The following AZI2 variants were observed in gnomAD, a reference collection of about 807,000 sequenced individuals.
AZI2 encodes the protein 5-azacytidine induced 2.
In AZI2, 22 loss-of-function variants were observed where a neutral mutation model predicts 45.8. The observed-to-expected ratio is 0.48, with a 90% confidence interval of 0.34 to 0.69. The LOEUF (loss-of-function observed/expected upper bound fraction) is 0.69. Among genes scored for constraint, AZI2 ranks in the 30% least tolerant of loss-of-function variants. The probability of loss-of-function intolerance (pLI) is 0.01; values close to 1 mark genes in which losing one functional copy is unlikely to be tolerated. For missense variants in AZI2, 417 were observed against 441.5 expected, an observed-to-expected ratio of 0.94 and a Z score of 0.50; for synonymous variants, 137 against 156.7, an observed-to-expected ratio of 0.87 and a Z score of 0.94.
rs749596216 is a variant in AZI2 at position 28,336,749 on chromosome 3, T to A, written c.576A>T (p.Lys192Asn). The change falls in exon 5 of 8, where the codon AAA becomes AAT. Residue 192 changes from lysine to asparagine, a missense_variant. Physicochemically the swap from Lys to Asn is moderately conservative, Grantham distance 94. Transcript: ENST00000479665. ...AATTCTGTAATACCGTTTGTTTGGC[T>A]TTCTGTAGTTCTATTTTGAGATCGC... Reference protein sequence around the residue: ...ECSDLKIELQKAKQTDPYQED... With the variant: ...ECSDLKIELQNAKQTDPYQED... 5 of 1,612,792 alleles carry A rather than the reference T, an allele frequency of 3.1e-6. No individual in the cohort carries two copies. The highest frequency in any genetic ancestry group is 4.2e-6 in the Non-Finnish European group (5 of 1,179,360).
At position 28,332,335 on chromosome 3, in the gene AZI2, A is replaced by T. The variant is rs759902312; in HGVS notation, c.647+34T>A. On this transcript the variant is annotated intron_variant, in intron 6 of 7. Transcript: ENST00000479665. ...CACAAAGTGACTTATGGAAGAAGAC[A>T]ACGTATTGTCTTAATGCTGAAGAGT... 5 of 1,566,338 alleles carry T rather than the reference A, an allele frequency of 3.2e-6. No homozygotes were observed. The African/African-American group carries it at 4.1e-5, about 13-fold the overall frequency.
intron 1 of AZI2, 100 bp downstream of exon 1, chr3:28,348,501 A>C (rs1704366300): frequency 6.6e-6 from 1 of 151,988 alleles, no homozygotes; most frequent in Admixed American, 6.6e-5. Context: ...AGGGAGTGAG[A>C]AAAAAATGAC....
chr3:28,337,966 T>C lies in AZI2; in HGVS notation c.410A>G (p.Gln137Arg). 6.2e-7 allele frequency: 1 copy of C among 1,600,230 alleles called. No homozygotes were observed. Among genetic ancestry groups the C allele is most frequent in the East Asian group, 2.2e-5 (1 of 44,620 alleles). Residue 137 changes from glutamine (Q) to arginine (R), a missense_variant, in exon 4 of 8, where the codon CAG becomes CGG. Coordinates refer to ENST00000479665, the MANE Select transcript of AZI2 (RefSeq NM_022461.5). ...QLQSKEVELL[Q>R]LRTEVETQQV... is the part of the protein sequence containing the mutation. ...CTGAGTTTCCACCTCTGTCCTCAGC[T>C]GGAGGAGTTCTACTTCTTTAGATTG...
At chr3:28,328,457 C>T (rs966766306) in intron 6 of AZI2, among the ~76,000 whole-genome samples, 7 of 150,834 alleles carry the variant, frequency 4.6e-5, no homozygotes, top group African/African-American at 1.7e-4. Context: ...ATTATTGGTG[C>T]GAGACAGTAA....
rs1313432088 is a variant in AZI2 at position 28,323,117 on chromosome 3, GAAT to G, written c.*922_*924del. 6.6e-6 allele frequency: 1 copy of G among 150,924 alleles called. No homozygotes were observed. The highest frequency in any genetic ancestry group is 2.1e-4 in the South Asian group (1 of 4,814). 9.3% of individuals were successfully genotyped at this position (150,924 alleles called of 1,614,324 possible). On this transcript the variant is annotated 3_prime_UTR_variant, in exon 8 of 8. Coordinates refer to ENST00000479665, the MANE Select transcript of AZI2 (RefSeq NM_022461.5). Reference sequence around the variant, plus strand: ...TTTTAAATCACTTTCTCAATAAATAGAATATTACATTTCAACACAAAGTCTAAC... The same window carrying G: ...TTTTAAATCACTTTCTCAATAAATAGATTACATTTCAACACAAAGTCTAAC...
At chr3:28,337,039 C>T (rs1288475961) in intron 4 of AZI2, 154 bp from the exon 5 acceptor site, 1 of 711,782 alleles carries the variant, frequency 1.4e-6, no homozygotes, top group South Asian at 2.3e-5. Context: ...ATTATTAATA[C>T]TTTCAAATAT....
rs1703248245 is a variant in AZI2, at chr3:28,323,300, T to C, written c.*742A>G. The C allele has an allele frequency of 6.6e-6, 1 of 151,256 alleles. No individual in the cohort carries two copies. The highest frequency in any genetic ancestry group is 2.4e-5 in the African/African-American group (1 of 41,272). The allele number at this position is 151,256 out of a possible 1,614,324, so 9.4% of individuals were successfully genotyped here. A position where few individuals can be genotyped will look rare whatever the true frequency, so the allele number is the denominator to read the frequency against. On this transcript the variant is annotated 3_prime_UTR_variant, in exon 8 of 8. Transcript: ENST00000479665. ...GATGCTCCTTCTACTACTTATTGAA[T>C]AGTGTGTAGGGTTACAATCATTTGT...
At chr3:28,337,465 G>C (rs544317344) in intron 4 of AZI2, among the ~76,000 whole-genome samples, 1 of 152,026 alleles carries the variant, frequency 6.6e-6, no homozygotes, top group African/African-American at 2.4e-5. Context: ...ATATTCATGG[G>C]AGCAGGCTAT....
intron 5 of AZI2, among the ~76,000 whole-genome samples, chr3:28,333,602 T>G (rs73825127): frequency 0.011 from 1,674 of 151,868 alleles, 26 homozygotes; most frequent in African/African-American, 0.03. Flanking sequence ...ATTTGACAGT[T>G]TGAGTGGGAA....
At chr3:28,336,095 TAAAATACTGGGC>T (rs1703777290) in intron 5 of AZI2, among the ~76,000 whole-genome samples, 1 of 152,124 alleles carries the variant, frequency 6.6e-6, no homozygotes. Context: ...GAACCTGATG[TAAAATACTGGGC>T]AAACAGACTC....
Position 28,336,876 on chromosome 3 carries a change from T to C in AZI2, c.449A>G (p.Asn150Ser), listed in dbSNP as rs548669978. 3.1e-6 allele frequency: 5 copies of C among 1,612,948 alleles called. No homozygotes were observed. Among genetic ancestry groups the C allele is most frequent in the African/African-American group, 2.7e-5 (2 of 75,002 alleles). The change falls in exon 5 of 8, where the codon AAT becomes AGT. Residue 150 changes from asparagine (N) to serine (S), a missense_variant. Asn to Ser is a conservative substitution (Grantham distance 46). Coordinates refer to ENST00000479665, the MANE Select transcript of AZI2 (RefSeq NM_022461.5). ...CCAGTTTGATGAAGGTGGATTTAAA[T>C]TCCTCATCACTACAAAAAGGATGGA... ...TEVETQQVMRNLNPPSSNWEV... is the reference protein window; with the variant it reads ...TEVETQQVMRSLNPPSSNWEV...
intron 7 of AZI2, chr3:28,325,254 C>G (rs1174146482): frequency 6.6e-6 from 1 of 150,984 alleles, no homozygotes. Context: ...TCCACTCCCT[C>G]CAGCTCAGCC....
chr3:28,332,574 T>G, intron 5 of AZI2, 147 bp from the exon 6 acceptor site: 1 of 578,598 alleles, frequency 1.7e-6, no homozygotes. Context: ...TACTCAATTT[T>G]AATGAAATAC....
chr3:28,338,050 G>GA lies in AZI2; in HGVS notation c.340-15dup. The GA allele has an allele frequency of 2.1e-6, 3 of 1,441,226 alleles. No homozygotes were observed. The highest frequency in any genetic ancestry group is 2.9e-6 in the Non-Finnish European group (3 of 1,052,530). 89.3% of individuals were successfully genotyped at this position (1,441,226 alleles called of 1,614,324 possible). A position where few individuals can be genotyped will look rare whatever the true frequency, so the allele number is the denominator to read the frequency against. ...GTTGTCTTTATTCTAGTTAAGTAGG[G>GA]AAAATGCCAAATTACATTCAATAAA... is the stretch of plus-strand genomic sequence containing the variant. On this transcript the variant is annotated splice_polypyrimidine_tract_variant and intron_variant, in intron 3 of 7. Transcript: ENST00000479665.
chr3:28,336,353 C>T (rs1246463293), intron 5 of AZI2, among the ~76,000 whole-genome samples: 1 of 151,798 alleles, frequency 6.6e-6, no homozygotes, highest in Non-Finnish European at 1.5e-5. Context: ...CGAGTTGTCC[C>T]TTATGATATC....
intron 5 of AZI2, among the ~76,000 whole-genome samples, chr3:28,336,098 A>G (rs747435705): frequency 2.0e-5 from 3 of 152,034 alleles, no homozygotes; most frequent in Non-Finnish European, 4.4e-5. Flanking sequence ...CCTGATGTAA[A>G]ATACTGGGCA....
intron 1 of AZI2, among the ~76,000 whole-genome samples, chr3:28,343,796 C>T (rs1053851712): frequency 2.6e-5 from 4 of 151,992 alleles, no homozygotes; most frequent in Non-Finnish European, 5.9e-5. Context: ...AAATCTTACA[C>T]TCCTACAAAT....
intron 5 of AZI2, among the ~76,000 whole-genome samples, chr3:28,334,216 A>G (rs761115747): frequency 2.6e-5 from 4 of 151,964 alleles, no homozygotes; most frequent in Non-Finnish European, 5.9e-5. Flanking sequence ...AAGGTTTTAT[A>G]AAATGCTTCA....
chr3:28,344,348 C>T (rs1291994465), intron 1 of AZI2, among the ~76,000 whole-genome samples: 1 of 151,688 alleles, frequency 6.6e-6, no homozygotes, highest in Non-Finnish European at 1.5e-5. Context: ...AGCTACAGGT[C>T]CAGGGAAAAT....
Sources: gnomAD v4.1 joint callset for allele counts (sites outside exome capture counted in the v4.1 genomes callset) on GRCh38, gnomAD v4.1.1 for gene constraint, MANE v1.5 for transcripts, NCBI Gene and HGNC (gene_info 2026-07-23, HGNC 2026-07-21) for gene names.